The following PIP5K1B variants were observed in gnomAD, a reference collection of about 807,000 sequenced individuals.
PIP5K1B encodes phosphatidylinositol 4-phosphate 5-kinase type-1 beta.
Under a neutral mutation model 67.0 loss-of-function variants are expected in PIP5K1B, and 42 were observed. The ratio of observed to expected loss-of-function variants is 0.63; its 90% CI spans 0.49 to 0.81. PIP5K1B has a LOEUF of 0.81. PIP5K1B is among the 30% of genes least tolerant of loss of function. The pLI, the probability that PIP5K1B is intolerant of heterozygous loss-of-function variation, is 0.00. For missense variants in PIP5K1B, 459 were observed against 646.3 expected (o/e 0.71, Z 3.14); for synonymous variants, 214 against 231.4 (o/e 0.92, Z 0.68).
chr9:68,882,790 G>A lies in PIP5K1B; in HGVS notation c.318+5996G>A, dbSNP rs773433130. 1.8e-4 allele frequency among the ~76,000 whole-genome samples: 27 copies of A among 152,282 alleles called. 1 individual carries two copies. Among genetic ancestry groups the A allele is most frequent in the Middle Eastern group, 3.4e-3 (1 of 294 alleles). The stretch of plus-strand genomic sequence containing the variant: ...TAGGGTCTGCCTTTACTTTTTATGA[G>A]AGCTTGGAGTCCACACCTTTATATT... On this transcript the variant is annotated intron_variant, in intron 6 of 15. Coordinates refer to ENST00000265382, the MANE Select transcript of PIP5K1B (RefSeq NM_003558.4).
At chr9:68,866,295 CAAAAA>C (rs538842640) in intron 5 of PIP5K1B, among the ~76,000 whole-genome samples, 1 of 84,660 alleles carries the variant, frequency 1.2e-5, no homozygotes, top group Admixed American at 1.3e-4. Flanking sequence ...TACTCTGTCT[CAAAAA>C]AAAAAAAAAG....
rs11143562 is a variant in PIP5K1B at position 68,729,809 on chromosome 9, G to A, written c.-242-12692G>A. ...TAGAATTTGGTATTTGTAGATTTTTGTTAGCTTTCAAATTAGTATATACTT... is the reference window on the plus strand; with the variant it reads ...TAGAATTTGGTATTTGTAGATTTTTATTAGCTTTCAAATTAGTATATACTT... On this transcript the variant is annotated intron_variant, in intron 1 of 15. Coordinates refer to ENST00000265382, the MANE Select transcript of PIP5K1B (RefSeq NM_003558.4). Among the ~76,000 whole-genome samples the A allele has an allele frequency of 2.5e-3, 375 of 152,014 alleles. 16 individuals carry two copies. In the East Asian group the frequency reaches 0.068, roughly 28 times the overall value.
intron 1 of PIP5K1B, among the ~76,000 whole-genome samples, chr9:68,723,874 C>A (rs1267382038): frequency 6.6e-6 from 1 of 151,640 alleles, no homozygotes; most frequent in African/African-American, 2.4e-5. Flanking sequence ...CAGCTTGATG[C>A]AATCTCATTT....
At chr9:68,839,134 A>C (rs923076804) in intron 4 of PIP5K1B, among the ~76,000 whole-genome samples, 2 of 152,186 alleles carry the variant, frequency 1.3e-5, no homozygotes, top group Admixed American at 1.3e-4. Flanking sequence ...GGCAGAGGGG[A>C]AAAAGCTTGT....
intron 5 of PIP5K1B, among the ~76,000 whole-genome samples, chr9:68,867,148 A>C (rs1156393363): frequency 1.4e-5 from 1 of 69,690 alleles, no homozygotes; most frequent in East Asian, 2.0e-4. Flanking sequence ...TCTTCCCTTC[A>C]AAAAAAAATG....
intron 12 of PIP5K1B, among the ~76,000 whole-genome samples, chr9:68,929,475 T>G (rs1826883601): frequency 6.6e-6 from 1 of 152,166 alleles, no homozygotes; most frequent in African/African-American, 2.4e-5. Flanking sequence ...CTGGTGTATC[T>G]TTTTCCTCCT....
chr9:68,884,404 C>G (rs1824351650), intron 6 of PIP5K1B, among the ~76,000 whole-genome samples: 1 of 151,874 alleles, frequency 6.6e-6, no homozygotes, highest in African/African-American at 2.4e-5. Context: ...TGGCTCACCC[C>G]TGTAGTCCCA....
intron 4 of PIP5K1B, among the ~76,000 whole-genome samples, chr9:68,852,511 C>CT (rs1822543509): frequency 1.3e-5 from 2 of 152,144 alleles, no homozygotes; most frequent in African/African-American, 4.8e-5. Context: ...AACACTTTGA[C>CT]CTCACTCTCA....
chr9:68,988,836 C>T (rs1830224451), intron 14 of PIP5K1B, among the ~76,000 whole-genome samples: 1 of 151,944 alleles, frequency 6.6e-6, no homozygotes, highest in Non-Finnish European at 1.5e-5. Context: ...GTGGCTCATG[C>T]CTGTAGTCCC....
rs1301229037 is a variant in PIP5K1B, at chr9:68,705,631, C to T, written c.-374C>T. ...CCGCCGCCCCCTCCGCCCTCCCGCC[C>T]CTCCCGCCCCTCCCGCCCCTCGCCT... On this transcript the variant is annotated 5_prime_UTR_variant, in exon 1 of 16. Transcript: ENST00000265382. 2 of 143,430 alleles carry T rather than the reference C, an allele frequency of 1.4e-5. No homozygotes were observed. Among genetic ancestry groups the T allele is most frequent in the Non-Finnish European group, 3.1e-5 (2 of 64,366 alleles). The allele number at this position is 143,430 out of a possible 1,614,324, so 8.9% of individuals were successfully genotyped here.
intron 14 of PIP5K1B, among the ~76,000 whole-genome samples, chr9:68,961,427 C>T (rs1033369826): frequency 2.6e-5 from 4 of 152,144 alleles, no homozygotes; most frequent in African/African-American, 9.7e-5. Context: ...TACTTTAAAG[C>T]AACTAATTAT....
intron 14 of PIP5K1B, among the ~76,000 whole-genome samples, chr9:68,957,531 G>A (rs2132723249): frequency 2.0e-5 from 3 of 152,332 alleles, no homozygotes; most frequent in Admixed American, 2.0e-4. Flanking sequence ...CGACAGAGGA[G>A]CTTTCAGAAA....
chr9:68,745,324 C>G (rs1392664297), intron 2 of PIP5K1B, among the ~76,000 whole-genome samples: 1 of 152,198 alleles, frequency 6.6e-6, no homozygotes. Flanking sequence ...TAGCCACCAA[C>G]AAGCAGTCTG....
intron 2 of PIP5K1B, among the ~76,000 whole-genome samples, chr9:68,762,292 G>C (rs1263133513): frequency 2.9e-3 from 6 of 2,048 alleles, no homozygotes; most frequent in Admixed American, 0.013. Context: ...AGTTCATTGT[G>C]CAATTTTTTC....
At chr9:68,748,792 A>G (rs1046013950) in intron 2 of PIP5K1B, among the ~76,000 whole-genome samples, 1 of 151,872 alleles carries the variant, frequency 6.6e-6, no homozygotes, top group Admixed American at 6.6e-5. Context: ...TGCTATTTTT[A>G]GTAGAGACGG....
chr9:68,855,339 T>G (rs976322369), intron 4 of PIP5K1B, among the ~76,000 whole-genome samples: 2 of 152,192 alleles, frequency 1.3e-5, no homozygotes, highest in African/African-American at 4.8e-5. Context: ...CCCCTCTCTC[T>G]CTTGGTTTTC....
chr9:68,919,980 A>C (rs187326328), intron 11 of PIP5K1B, among the ~76,000 whole-genome samples: 1 of 152,330 alleles, frequency 6.6e-6, no homozygotes, highest in African/African-American at 2.4e-5. Context: ...GTCTATGTGA[A>C]ATCCAAAGGA....
intron 2 of PIP5K1B, chr9:68,781,311 T>A (rs1831260266): frequency 9.8e-6 from 3 of 306,498 alleles, no homozygotes; most frequent in Non-Finnish European, 1.9e-5. Context: ...ATCCCTTGAT[T>A]TTTTTAAATA....
At chr9:68,970,546 AC>A (rs1379935026) in intron 14 of PIP5K1B, among the ~76,000 whole-genome samples, 1 of 152,198 alleles carries the variant, frequency 6.6e-6, no homozygotes, top group Non-Finnish European at 1.5e-5. Flanking sequence ...GATGGATGGA[AC>A]TTTTGTTCAC....
Sources: gnomAD v4.1 joint callset for allele counts (sites outside exome capture counted in the v4.1 genomes callset) on GRCh38, gnomAD v4.1.1 for gene constraint, MANE v1.5 for transcripts, NCBI Gene and HGNC (gene_info 2026-07-23, HGNC 2026-07-21) for gene names.